Variants in DOP1B observed in about 807,000 individuals in gnomAD.
The protein encoded by DOP1B is DOP1 leucine zipper like protein B.
Under a neutral mutation model 233.5 loss-of-function variants are expected in DOP1B, and 174 were observed. The ratio of observed to expected loss-of-function variants is 0.75; its 90% CI spans 0.66 to 0.85. DOP1B has a LOEUF of 0.85. Ranked by LOEUF, DOP1B falls within the 40% of genes least tolerant of loss-of-function variation. The pLI is 0.00. For missense variants in DOP1B, 2,652 were observed against 2,846.6 expected, an observed-to-expected ratio of 0.93 and a Z score of 1.56; for synonymous variants, 1,190 against 1,185.6, an observed-to-expected ratio of 1.00 and a Z score of -0.08.
intron 10 of DOP1B, among the ~76,000 whole-genome samples, chr21:36,221,118 G>T (rs1431582105): frequency 6.6e-6 from 1 of 151,656 alleles, no homozygotes. Flanking sequence ...GCCACTGCTT[G>T]TTTTTTAAAA....
rs951693920 is a variant in DOP1B at position 36,280,461 on chromosome 21, C to A, written c.6031+115C>A. ...CACACTTTCATGGTGCTGTCTACGC[C>A]ACAAAGACTGTAATGTGATGTTCAT... On this transcript the variant is annotated intron_variant, in intron 31 of 36. Coordinates refer to ENST00000691173, the MANE Select transcript of DOP1B (RefSeq NM_001320714.2). The A allele has an allele frequency of 1.2e-4, 78 of 659,578 alleles. 1 individual carries two copies. Among genetic ancestry groups the A allele is most frequent in the Non-Finnish European group, 7.4e-5 (29 of 391,468 alleles). The allele number at this position is 659,578 out of a possible 1,614,324, so 40.9% of individuals were successfully genotyped here. A position where few individuals can be genotyped will look rare whatever the true frequency, so the allele number is the denominator to read the frequency against.
At chr21:36,271,735 G>A (rs1191105489) in intron 27 of DOP1B, among the ~76,000 whole-genome samples, 1 of 152,048 alleles carries the variant, frequency 6.6e-6, no homozygotes, top group East Asian at 1.9e-4. Context: ...GCTCCAGAAA[G>A]TAACACCCCA....
chr21:36,253,654 AG>A, intron 22 of DOP1B, 117 bp from the exon 23 acceptor site: 1 of 1,072,460 alleles, frequency 9.3e-7, no homozygotes, highest in Non-Finnish European at 1.3e-6. Context: ...AAAAAAAAAG[AG>A]ATGAAAACAG....
At chr21:36,252,752 C>T (rs959761404) in intron 22 of DOP1B, among the ~76,000 whole-genome samples, 6 of 152,200 alleles carry the variant, frequency 3.9e-5, no homozygotes, top group African/African-American at 7.2e-5. Flanking sequence ...CCTCGTGATC[C>T]GCCTGCCTCG....
intron 26 of DOP1B, 133 bp downstream of exon 26, chr21:36,263,947 TCTTA>T: frequency 1.1e-6 from 1 of 931,280 alleles, no homozygotes; most frequent in Non-Finnish European, 1.7e-6. Context: ...TGTTCTCAAG[TCTTA>T]CTTCTGCCAT....
intron 21 of DOP1B, 122 bp downstream of exon 21, chr21:36,248,690 T>A: frequency 1.0e-6 from 1 of 967,272 alleles, no homozygotes; most frequent in Non-Finnish European, 1.4e-6. Context: ...AAGTCAGAGA[T>A]CAGAAGTAGA....
intron 4 of DOP1B, among the ~76,000 whole-genome samples, chr21:36,200,839 G>GA (rs67599618): frequency 2.1e-3 from 282 of 134,204 alleles, no homozygotes; most frequent in Middle Eastern, 3.7e-3. Flanking sequence ...ACTCTGTCTC[G>GA]AAAAAAAAAA....
In DOP1B at chr21:36,202,481, G is replaced by A. The variant is rs531269710; in HGVS notation, c.491+1980G>A. Among the ~76,000 whole-genome samples the A allele has an allele frequency of 1.4e-3, 209 of 152,296 alleles. 1 individual carries two copies. Among genetic ancestry groups the A allele is most frequent in the Non-Finnish European group, 2.3e-3 (155 of 68,020 alleles). On this transcript the variant is annotated intron_variant, in intron 4 of 36. Transcript: ENST00000691173. ...GTGGTGTCAGCTGTGACTGAGGGGT[G>A]CAGGAGGCTGGAGTCTAACCCAGGA...
intron 27 of DOP1B, among the ~76,000 whole-genome samples, chr21:36,272,190 C>T (rs1328727657): frequency 1.3e-5 from 2 of 150,224 alleles, no homozygotes; most frequent in Non-Finnish European, 1.5e-5. Context: ...ATTACTTCTA[C>T]GAAAATTGTT....
chr21:36,283,936 C>CTTTTTTTT (rs547999186), intron 32 of DOP1B, among the ~76,000 whole-genome samples: 16 of 100,996 alleles, frequency 1.6e-4, no homozygotes, highest in African/African-American at 2.8e-4. Context: ...ACACCTGTTC[C>CTTTTTTTT]TTTTTTTTTT....
At chr21:36,275,618 C>CAAAA (rs111840768) in intron 27 of DOP1B, among the ~76,000 whole-genome samples, 1 of 132,358 alleles carries the variant, frequency 7.6e-6, no homozygotes. Context: ...GAACTTGTCT[C>CAAAA]AAAAAAAAAA....
chr21:36,238,919 A>T (rs1474350513), intron 17 of DOP1B, among the ~76,000 whole-genome samples: 1 of 152,176 alleles, frequency 6.6e-6, no homozygotes, highest in Admixed American at 6.5e-5. Context: ...CCTGGCCAAC[A>T]TGGTGAAACC....
At position 36,214,494 on chromosome 21, in the gene DOP1B, G is replaced by T; in HGVS notation, c.1067G>T (p.Arg356Leu). 6.2e-7 allele frequency: 1 copy of T among 1,613,784 alleles called. No homozygotes were observed. The change falls in exon 9 of 37, where the codon CGC becomes CTC. Residue 356 changes from arginine to leucine, a missense_variant. Arg to Leu is a moderately radical substitution (Grantham distance 102, BLOSUM62 -2). Around this residue, in one of 3 missense-constraint regions of DOP1B, gnomAD observed 2,617 missense variants for 2,794.3 expected, o/e 0.94. Transcript: ENST00000691173. ...TTCATAGATGCTGACGTGGAGGAAC[G>T]CCATCATGCATACCTGAAGCCTTTT... ...QKFIDADVEERHHAYLKPFRV... is the reference protein window; with the variant it reads ...QKFIDADVEELHHAYLKPFRV...
rs140579053 is a variant in DOP1B, at chr21:36,211,909, G to A, written c.781-65G>A. On this transcript the variant is annotated intron_variant, in intron 6 of 36. Transcript: ENST00000691173. ...TTGCAGACCAGCAAGGAAGGGCTGC[G>A]TGTCAAAAAGTCAGCAATCTGCCCT... 5.7e-5 allele frequency: 92 copies of A among 1,607,512 alleles called. No homozygotes were observed. The African/African-American group carries it at 6.1e-4, about 11-fold the overall frequency.
chr21:36,207,240 A>G (rs2123485357), intron 4 of DOP1B, among the ~76,000 whole-genome samples: 1 of 147,820 alleles, frequency 6.8e-6, no homozygotes, highest in African/African-American at 2.5e-5. Context: ...GCTGGAGTGC[A>G]GTGACGGCCT....
At position 36,245,951 on chromosome 21, in the gene DOP1B, G is replaced by A. The variant is rs1389348128; in HGVS notation, c.3971G>A (p.Arg1324His). The A allele has an allele frequency of 3.1e-5, 50 of 1,613,764 alleles. No individual in the cohort carries two copies. Among genetic ancestry groups the A allele is most frequent in the Middle Eastern group, 1.6e-4 (1 of 6,084 alleles). Residue 1324 changes from arginine (R) to histidine (H), a missense_variant, in exon 19 of 37, where the codon CGC becomes CAC. Arg to His is a conservative substitution (Grantham distance 29, BLOSUM62 0). Coordinates refer to ENST00000691173, the MANE Select transcript of DOP1B (RefSeq NM_001320714.2). The surrounding 1 kb of genome is among the most constrained non-coding windows in gnomAD (Gnocchi z 5.5). The stretch of plus-strand genomic sequence containing the variant: ...ACCTACCTCTGCCTGAGCTTCCTGC[G>A]CTCCTACTACCCTTGCTATTTGAAG... ...LLTYLCLSFL[R>H]SYYPCYLKVS...
intron 11 of DOP1B, among the ~76,000 whole-genome samples, chr21:36,225,145 A>G (rs553784333): frequency 4.6e-4 from 70 of 152,320 alleles, no homozygotes; most frequent in African/African-American, 1.6e-3. Context: ...GAGAACTACA[A>G]AAGCTGCCTT....
chr21:36,235,569 A>C (rs751402832), intron 15 of DOP1B, among the ~76,000 whole-genome samples: 1 of 152,042 alleles, frequency 6.6e-6, no homozygotes, highest in Non-Finnish European at 1.5e-5. Flanking sequence ...AAAAAAAAAA[A>C]ATACAAAAAT....
At chr21:36,289,240 G>A in intron 35 of DOP1B, 34 bp downstream of exon 35, 2 of 1,596,050 alleles carry the variant, frequency 1.3e-6, no homozygotes, top group Non-Finnish European at 1.7e-6. Context: ...CCTTTTTGAA[G>A]TAAGAGATTT....
Sources: gnomAD v4.1 joint callset for allele counts (sites outside exome capture counted in the v4.1 genomes callset) on GRCh38, gnomAD v4.1.1 for gene constraint, gnomAD v4.1.1 regional missense constraint, Gnocchi (gnomAD v3.1) non-coding constraint, MANE v1.5 for transcripts, NCBI Gene and HGNC (gene_info 2026-07-23, HGNC 2026-07-21) for gene names.